Variants in EIF2AK4 observed in about 807,000 individuals in gnomAD.
EIF2AK4 encodes eIF-2-alpha kinase GCN2.
EIF2AK4 carries 139 observed loss-of-function variants against 211.1 expected under a neutral mutation model. That is an observed-to-expected ratio of 0.66 (90% CI 0.57 to 0.76). The LOEUF is 0.76. EIF2AK4 is among the 30% of genes least tolerant of loss of function. EIF2AK4 has a pLI of 0.00. For missense variants in EIF2AK4, 1,664 were observed against 2,043.8 expected (o/e 0.81, Z 3.58); for synonymous variants, 710 against 751.3 (o/e 0.94, Z 0.90).
At chr15:39,988,810 G>A (rs1048020241) in intron 15 of EIF2AK4, among the ~76,000 whole-genome samples, 12 of 152,138 alleles carry the variant, frequency 7.9e-5, no homozygotes, top group African/African-American at 2.9e-4. Flanking sequence ...AGACCAGACT[G>A]GTCAACATGG....
intron 6 of EIF2AK4, among the ~76,000 whole-genome samples, chr15:39,957,888 T>C (rs576127281): frequency 2.6e-4 from 39 of 152,262 alleles, no homozygotes; most frequent in Non-Finnish European, 4.7e-4. Context: ...TAACAAAAGA[T>C]GTTCACGCTG....
chr15:39,978,486 T>TATGGAGTTACCTCACC (rs1944076459), intron 13 of EIF2AK4, among the ~76,000 whole-genome samples: 1 of 152,314 alleles, frequency 6.6e-6, no homozygotes, highest in Admixed American at 6.5e-5. Flanking sequence ...GATTTGCATT[T>TATGGAGTTACCTCACC]ATGGAGTTAC....
chr15:40,026,644 T>C (rs1460520169), intron 33 of EIF2AK4, among the ~76,000 whole-genome samples: 3 of 152,210 alleles, frequency 2.0e-5, no homozygotes, highest in African/African-American at 7.2e-5. Context: ...CAAGAATACT[T>C]TATCATTTTG....
intron 9 of EIF2AK4, among the ~76,000 whole-genome samples, chr15:39,971,659 A>G (rs2034626722): frequency 6.6e-6 from 1 of 152,012 alleles, no homozygotes; most frequent in South Asian, 2.1e-4. Flanking sequence ...CGAGGCTGCC[A>G]TGAGTGATGA....
chr15:40,018,072 TTATAA>T (rs1212716662), intron 29 of EIF2AK4, among the ~76,000 whole-genome samples: 6 of 152,164 alleles, frequency 3.9e-5, no homozygotes, highest in Non-Finnish European at 8.8e-5. Flanking sequence ...CATGCCCCAT[TTATAA>T]TATAATTGTC....
chr15:40,022,951 T>C (rs909932275), intron 32 of EIF2AK4, among the ~76,000 whole-genome samples: 1 of 152,138 alleles, frequency 6.6e-6, no homozygotes, highest in African/African-American at 2.4e-5. Flanking sequence ...GCCAGGATGG[T>C]CTCCTGACCT....
intron 3 of EIF2AK4, chr15:39,946,671 C>G (rs1455258987): frequency 2.9e-6 from 2 of 699,996 alleles, no homozygotes; most frequent in African/African-American, 3.5e-5. Flanking sequence ...TTGAATGCTA[C>G]AGAGAAATCT....
At chr15:39,982,526 T>TC (rs1566993758) in intron 13 of EIF2AK4, among the ~76,000 whole-genome samples, 3 of 152,184 alleles carry the variant, frequency 2.0e-5, no homozygotes, top group African/African-American at 7.2e-5. Flanking sequence ...TCTGTGAGCT[T>TC]CTTTTTTTTC....
At chr15:39,938,671 G>A (rs1379440516) in intron 1 of EIF2AK4, among the ~76,000 whole-genome samples, 1 of 152,198 alleles carries the variant, frequency 6.6e-6, no homozygotes, top group African/African-American at 2.4e-5. Flanking sequence ...AGGGTTTGGA[G>A]TTAAGGCTGG....
chr15:40,002,868 C>A, intron 22 of EIF2AK4, 80 bp downstream of exon 22: 1 of 1,460,200 alleles, frequency 6.8e-7, no homozygotes, highest in Non-Finnish European at 9.5e-7. Context: ...AGTGTTCGGG[C>A]ATATCATATT....
At chr15:40,009,563 T>C in intron 25 of EIF2AK4, 51 bp from the exon 26 acceptor site, 2 of 1,162,182 alleles carry the variant, frequency 1.7e-6, no homozygotes, top group Non-Finnish European at 2.5e-6. Context: ...TTTGGTCATG[T>C]ACCAGTAATT....
intron 3 of EIF2AK4, 39 bp from the exon 4 acceptor site, chr15:39,949,077 A>G (rs746471851): frequency 1.3e-6 from 2 of 1,599,908 alleles, no homozygotes; most frequent in Non-Finnish European, 1.7e-6. Flanking sequence ...CCTTCCCATT[A>G]TTTGATCATT....
intron 3 of EIF2AK4, chr15:39,946,822 A>G: frequency 1.7e-6 from 1 of 595,878 alleles, no homozygotes; most frequent in Non-Finnish European, 3.0e-6. Flanking sequence ...CTGTCTGCAA[A>G]AAGATTATGA....
At chr15:39,956,547 C>T (rs1210148320) in intron 6 of EIF2AK4, among the ~76,000 whole-genome samples, 2 of 152,178 alleles carry the variant, frequency 1.3e-5, no homozygotes. Context: ...GGGGTCCCCT[C>T]CCTAATACTG....
chr15:40,015,722 T>G (rs2035295169), intron 27 of EIF2AK4, among the ~76,000 whole-genome samples: 2 of 152,262 alleles, frequency 1.3e-5, no homozygotes, highest in African/African-American at 4.8e-5. Context: ...TGAGCCTTCA[T>G]TTAGCCCTTA....
intron 26 of EIF2AK4, among the ~76,000 whole-genome samples, chr15:40,010,347 G>T (rs990035485): frequency 6.6e-6 from 1 of 152,160 alleles, no homozygotes; most frequent in African/African-American, 2.4e-5. Context: ...GAATGGCTTC[G>T]AACTCTGGTG....
In EIF2AK4 at chr15:39,946,521, A is replaced by G. The variant is rs914225075; in HGVS notation, c.361-2595A>G. The G allele has an allele frequency of 2.4e-5, 17 of 701,840 alleles. No homozygotes were observed. The African/African-American group carries it at 3.0e-4, about 12-fold the overall frequency. 43.5% of individuals were successfully genotyped at this position (701,840 alleles called of 1,614,324 possible). On this transcript the variant is annotated intron_variant, in intron 3 of 38. Transcript: ENST00000263791. The stretch of plus-strand genomic sequence containing the variant: ...GTGGTTTCTTGAGTGGTTCCTGAAG[A>G]TGCTGTGAACATTGTTGAAATGACA...
intron 30 of EIF2AK4, among the ~76,000 whole-genome samples, 169 bp downstream of exon 30, chr15:40,019,369 C>A (rs1226041576): frequency 6.6e-6 from 1 of 152,222 alleles, no homozygotes; most frequent in African/African-American, 2.4e-5. Context: ...TGATGTCAAT[C>A]CCTGCATTTC....
At chr15:40,032,371 G>A (rs995228231) in intron 36 of EIF2AK4, 134 bp downstream of exon 36, 25 of 705,558 alleles carry the variant, frequency 3.5e-5, no homozygotes, top group Admixed American at 5.6e-5. Context: ...TGAACTACAC[G>A]CAATTTAAAA....
Sources: gnomAD v4.1 joint callset for allele counts (sites outside exome capture counted in the v4.1 genomes callset) on GRCh38, gnomAD v4.1.1 for gene constraint, MANE v1.5 for transcripts, NCBI Gene and HGNC (gene_info 2026-07-23, HGNC 2026-07-21) for gene names.